SYNE2: variants seen among roughly 807,000 people sequenced by gnomAD.
The protein encoded by SYNE2 is spectrin repeat containing nuclear envelope protein 2.
SYNE2 carries 431 observed loss-of-function variants against 856.3 expected under a neutral mutation model. The ratio of observed to expected loss-of-function variants is 0.50; its 90% CI spans 0.47 to 0.55. The LOEUF is 0.55. Among genes scored for constraint, SYNE2 ranks in the 20% least tolerant of loss-of-function variants. SYNE2 has a pLI of 0.00. For missense variants in SYNE2, 8,129 were observed against 8,023.2 expected (o/e 1.01, Z -0.50); for synonymous variants, 2,923 against 2,872.3 (o/e 1.02, Z -0.56).
At chr14:63,783,520 G>A (rs1887402641) in intron 1 of SYNE2, among the ~76,000 whole-genome samples, 1 of 152,126 alleles carries the variant, frequency 6.6e-6, no homozygotes, top group South Asian at 2.1e-4. Context: ...TGGGACTACA[G>A]GCGCACGCCA....
chr14:63,829,685 A>G (rs1889594505), intron 1 of SYNE2, among the ~76,000 whole-genome samples: 1 of 152,166 alleles, frequency 6.6e-6, no homozygotes, highest in Middle Eastern at 3.4e-3. Context: ...GTGGGAATAC[A>G]GCTCACTGCA....
intron 57 of SYNE2, chr14:64,084,879 G>T: frequency 1.4e-6 from 1 of 693,668 alleles, no homozygotes; most frequent in South Asian, 1.5e-5. Context: ...CTGAAGGCTC[G>T]ACTTGTGTGA....
intron 32 of SYNE2, among the ~76,000 whole-genome samples, chr14:64,011,619 C>T (rs2153518940): frequency 6.6e-6 from 1 of 152,258 alleles, no homozygotes; most frequent in South Asian, 2.1e-4. Context: ...GCCCAGATAT[C>T]TAGTCCCTCT....
chr14:63,881,969 A>G (rs2094875994), intron 1 of SYNE2, among the ~76,000 whole-genome samples: 1 of 152,208 alleles, frequency 6.6e-6, no homozygotes, highest in Non-Finnish European at 1.5e-5. Flanking sequence ...TTAAAATCCA[A>G]GCATTTCACT....
chr14:63,823,379 G>A (rs1179159970), intron 1 of SYNE2, among the ~76,000 whole-genome samples: 2 of 151,940 alleles, frequency 1.3e-5, no homozygotes, highest in Non-Finnish European at 2.9e-5. Context: ...TTTTCATCAT[G>A]TTGGCCAGGC....
In SYNE2 at chr14:63,976,596, T is replaced by G; in HGVS notation, c.1162T>G (p.Leu388Val). 6.2e-7 allele frequency: 1 copy of G among 1,611,756 alleles called. No individual in the cohort carries two copies. Among genetic ancestry groups the G allele is most frequent in the Non-Finnish European group, 8.5e-7 (1 of 1,179,144 alleles). ...ATGGAAAATAAAGCTAAATTATGCC[T>G]TGCCCCCACCCCTCCATCAAACTGA... ...NAWKIKLNYA[L>V]PPPLHQTEAW... Residue 388 changes from leucine (L) to valine (V), a missense_variant, in exon 12 of 116, where the codon TTG becomes GTG. By Grantham distance (32) the Leu-to-Val change is conservative. This residue lies in a region of SYNE2 where 2,422 missense variants were observed against 2,357.4 expected (regional missense o/e 1.03). Coordinates refer to ENST00000555002, the MANE Select transcript of SYNE2 (RefSeq NM_182914.3).
In SYNE2 at chr14:64,030,068, C is replaced by T. The variant is rs750241139; in HGVS notation, c.6879+9C>T. The T allele has an allele frequency of 9.3e-6, 15 of 1,613,342 alleles. No homozygotes were observed. The highest frequency in any genetic ancestry group is 1.7e-4 in the Middle Eastern group (1 of 6,056). On this transcript the variant is annotated intron_variant, in intron 44 of 115. Transcript: ENST00000555002. ...AATTGCAGAAACTGCAGGTACTAAACGGTGTCCAGACATGATAGACATTTA... is the reference window on the plus strand; with the variant it reads ...AATTGCAGAAACTGCAGGTACTAAATGGTGTCCAGACATGATAGACATTTA...
chr14:63,931,290 G>T (rs912360104), intron 2 of SYNE2, among the ~76,000 whole-genome samples: 4 of 152,100 alleles, frequency 2.6e-5, no homozygotes, highest in African/African-American at 9.7e-5. Context: ...AGTGGCTCAC[G>T]CCTGTAATCC....
At chr14:63,848,602 G>T (rs11158515), upstream of SYNE2, among the ~76,000 whole-genome samples, 64,531 of 152,026 alleles carry the variant, frequency 0.42, 15,457 homozygotes, top group South Asian at 0.57. Context: ...ACATGTCCAG[G>T]TTCTAATTCA....
In SYNE2 at chr14:63,826,363, A is replaced by G. The variant is rs546625168; in HGVS notation, c.-304-26138A>G. Among the ~76,000 whole-genome samples the G allele has an allele frequency of 3.9e-5, 6 of 152,250 alleles. No homozygotes were observed. In the East Asian group the frequency reaches 9.7e-4, roughly 25 times the overall value. On this transcript the variant is annotated intron_variant, in intron 1 of 23. Coordinates refer to the SYNE2 transcript ENST00000674003. The stretch of plus-strand genomic sequence containing the variant: ...TTGCCAGTCAGGAGTTGAGTGGCAC[A>G]ATCTCAGCTCACTGCAACCTCCACC...
At chr14:63,960,608 GT>G (rs201141267) in intron 8 of SYNE2, 12,814 of 463,020 alleles carry the variant, frequency 0.028, 35 homozygotes, top group East Asian at 0.074. Flanking sequence ...ACAGTGAAGT[GT>G]TTTTTTTTTT....
chr14:63,936,116 GC>G (rs1303481486), intron 2 of SYNE2, among the ~76,000 whole-genome samples: 1 of 152,122 alleles, frequency 6.6e-6, no homozygotes, highest in African/African-American at 2.4e-5. Flanking sequence ...CTTGTGATCC[GC>G]CCACCTTGGC....
intron 8 of SYNE2, 43 bp downstream of exon 8, chr14:63,954,958 G>T (rs368187566): frequency 1.3e-6 from 2 of 1,505,464 alleles, no homozygotes; most frequent in Non-Finnish European, 1.8e-6. Context: ...TTAAGGCTTA[G>T]CATGAAGTTG....
chr14:64,047,858 C>T (rs1015580807), intron 45 of SYNE2, 142 bp from the exon 46 acceptor site: 2 of 875,038 alleles, frequency 2.3e-6, no homozygotes, highest in African/African-American at 1.7e-5. Context: ...ATGGAAAAAT[C>T]ATCTTTCGTA....
Position 64,169,381 on chromosome 14 carries a change from A to G in SYNE2, c.17000+410A>G, listed in dbSNP as rs114282761. Among the ~76,000 whole-genome samples, 320 of 152,366 alleles carry G rather than the reference A, an allele frequency of 2.1e-3. 2 individuals are homozygous for G. The highest frequency in any genetic ancestry group is 6.7e-3 in the African/African-American group (278 of 41,586). On this transcript the variant is annotated intron_variant, in intron 93 of 115. Transcript: ENST00000555002. ...TGTTCCCAGTAGGTAGCTAAATCCT[A>G]TAAGTCTGAAAGAAGGGCTTTCTCT... is the stretch of plus-strand genomic sequence containing the variant.
intron 1 of SYNE2, among the ~76,000 whole-genome samples, chr14:63,891,437 T>G (rs2095129934): frequency 6.6e-6 from 1 of 152,150 alleles, no homozygotes; most frequent in African/African-American, 2.4e-5. Flanking sequence ...GTCTTGGAGA[T>G]TAAAGTGCCT....
chr14:64,191,977 G>A (rs576974151), intron 99 of SYNE2, among the ~76,000 whole-genome samples: 3 of 152,304 alleles, frequency 2.0e-5, no homozygotes, highest in African/African-American at 7.2e-5. Context: ...CTGCTGTGAG[G>A]ATATGTGTCA....
intron 1 of SYNE2, among the ~76,000 whole-genome samples, chr14:63,808,039 T>A (rs1181768502): frequency 1.2e-5 from 1 of 83,992 alleles, no homozygotes; most frequent in South Asian, 5.0e-4. Flanking sequence ...GTCCCCAAAG[T>A]CCATTACATC....
intron 99 of SYNE2, among the ~76,000 whole-genome samples, chr14:64,198,281 A>G (rs565884835): frequency 1.5e-3 from 228 of 152,298 alleles, no homozygotes; most frequent in African/African-American, 5.3e-3. Context: ...TGGTTTCTGA[A>G]TAGGTTTTCT....
Sources: gnomAD v4.1 joint callset for allele counts (sites outside exome capture counted in the v4.1 genomes callset) on GRCh38, gnomAD v4.1.1 for gene constraint, gnomAD v4.1.1 regional missense constraint, MANE v1.5 for transcripts, NCBI Gene and HGNC (gene_info 2026-07-23, HGNC 2026-07-21) for gene names.